The following NDUFAF6 variants were observed in gnomAD, a reference collection of about 807,000 sequenced individuals.
NDUFAF6 encodes NADH dehydrogenase (ubiquinone) complex I, assembly factor 6.
In NDUFAF6, 45 loss-of-function variants were observed where a neutral mutation model predicts 40.8. That is an observed-to-expected ratio of 1.10 (90% CI 0.87 to 1.42). The LOEUF (loss-of-function observed/expected upper bound fraction) is 1.42, where lower values mean the gene tolerates loss of function less well. NDUFAF6 is among the 40% of genes most tolerant of loss of function. The pLI is 0.00. For synonymous variants in NDUFAF6, 185 were observed against 155.9 expected (o/e 1.19, Z -1.39); for missense variants, 435 against 418.5 (o/e 1.04, Z -0.34).
downstream of NDUFAF6, among the ~76,000 whole-genome samples, chr8:95,078,949 C>A (rs981041957): frequency 9.2e-5 from 14 of 151,946 alleles, no homozygotes; most frequent in Non-Finnish European, 1.9e-4. Flanking sequence ...CACAGTTTGT[C>A]TACTCACCTA....
Position 95,111,633 on chromosome 8 carries a change from GCA to G in NDUFAF6, n.345-3893_345-3892del, listed in dbSNP as rs529835830. The stretch of plus-strand genomic sequence containing the variant: ...GCCTGCCAAAGCAGCATTCCTCCAG[GCA>G]CACACACACCTGCCTGCTCATCGTG... On this transcript the variant is annotated intron_variant and non_coding_transcript_variant, in intron 4 of 5. Coordinates refer to the NDUFAF6 transcript ENST00000523184. 6.6e-4 allele frequency among the ~76,000 whole-genome samples: 101 copies of G among 152,066 alleles called. 1 individual carries two copies. The highest frequency in any genetic ancestry group is 2.2e-3 in the African/African-American group (92 of 41,472).
chr8:95,104,784 A>G (rs1809767099), downstream of NDUFAF6, among the ~76,000 whole-genome samples: 1 of 152,074 alleles, frequency 6.6e-6, no homozygotes. Flanking sequence ...AGCAAGGTAG[A>G]TTGTTCCAGG....
intron 8 of NDUFAF6, among the ~76,000 whole-genome samples, chr8:95,053,644 G>A (rs1183089048): frequency 6.8e-6 from 1 of 146,598 alleles, no homozygotes; most frequent in Non-Finnish European, 1.5e-5. Context: ...TTTTTTTTTG[G>A]AGGCAGATTC....
chr8:95,081,378 C>G (rs1168759989), intron 2 of NDUFAF6, among the ~76,000 whole-genome samples: 1 of 151,876 alleles, frequency 6.6e-6, no homozygotes, highest in Non-Finnish European at 1.5e-5. Flanking sequence ...CTATGTTGGC[C>G]AGGCTGGTCC....
In NDUFAF6 at chr8:95,031,892, C is replaced by T. The variant is rs149881705; in HGVS notation, c.198-103C>T. The T allele has an allele frequency of 7.1e-4, 800 of 1,121,584 alleles. 2 individuals carry two copies. The African/African-American group carries it at 1.0e-2, about 14-fold the overall frequency. The allele number at this position is 1,121,584 out of a possible 1,614,324, so 69.5% of individuals were successfully genotyped here. ...CTGGGATTACAGGCATGAGCTACCG[C>T]GCCCAACTTGAAGCCTTTTTGTTTT... is the stretch of plus-strand genomic sequence containing the variant. On this transcript the variant is annotated intron_variant, in intron 1 of 8. Transcript: ENST00000396124.
At chr8:95,071,187 A>G (rs374665894) in intron 9 of NDUFAF6, among the ~76,000 whole-genome samples, 7 of 151,898 alleles carry the variant, frequency 4.6e-5, no homozygotes, top group East Asian at 1.9e-4. Flanking sequence ...TCAGGAAATC[A>G]AGACCATCCT....
intron 1 of NDUFAF6, among the ~76,000 whole-genome samples, chr8:94,909,348 C>CAAAAAAAAAAAAAAAAAAAAA (rs556065794): frequency 3.3e-5 from 3 of 91,922 alleles, no homozygotes; most frequent in Non-Finnish European, 6.0e-5. Context: ...GACTCCGTCT[C>CAAAAAAAAAAAAAAAAAAAAA]AAAAAAAAAA....
chr8:94,944,963 T>A (rs1821861485), intron 1 of NDUFAF6, among the ~76,000 whole-genome samples: 1 of 152,194 alleles, frequency 6.6e-6, no homozygotes, highest in Admixed American at 6.5e-5. Flanking sequence ...AAGGAGCTAT[T>A]GGAGAGACCC....
At chr8:95,037,828 A>G (rs1179955930) in intron 3 of NDUFAF6, among the ~76,000 whole-genome samples, 1 of 152,216 alleles carries the variant, frequency 6.6e-6, no homozygotes, top group Non-Finnish European at 1.5e-5. Context: ...AGAAAAAAAA[A>G]CATTTTAAAA....
chr8:94,971,126 C>T (rs10504939), intron 1 of NDUFAF6, among the ~76,000 whole-genome samples: 3 of 152,140 alleles, frequency 2.0e-5, no homozygotes, highest in Non-Finnish European at 4.4e-5. Context: ...AAGCATAATT[C>T]GAATCCAAAA....
intron 1 of NDUFAF6, among the ~76,000 whole-genome samples, chr8:94,925,079 A>G (rs911909384): frequency 6.6e-6 from 1 of 152,196 alleles, no homozygotes; most frequent in African/African-American, 2.4e-5. Context: ...CTGCTTCTCA[A>G]GTCAACGTTC....
intron 2 of NDUFAF6, among the ~76,000 whole-genome samples, chr8:94,988,152 CT>C (rs1428672922): frequency 6.6e-6 from 1 of 152,194 alleles, no homozygotes; most frequent in African/African-American, 2.4e-5. Context: ...CATGTGTGTC[CT>C]TCCCTGAATG....
intron 8 of NDUFAF6, among the ~76,000 whole-genome samples, chr8:95,056,602 T>C (rs1399197490): frequency 6.6e-6 from 1 of 152,080 alleles, no homozygotes; most frequent in Non-Finnish European, 1.5e-5. Context: ...TATGTAAGTT[T>C]AGGGTTTTAA....
At position 95,036,609 on chromosome 8, in the gene NDUFAF6, C is replaced by T. The variant is rs183082540; in HGVS notation, c.420+1033C>T. On this transcript the variant is annotated intron_variant, in intron 3 of 8. Coordinates refer to ENST00000396124, the MANE Select transcript of NDUFAF6 (RefSeq NM_152416.4). ...GAAACCCTTTCTATTTATTACTTTA[C>T]ACCTAAATCGGAGTATAGTGGAGGT... is the stretch of plus-strand genomic sequence containing the variant. The T allele has an allele frequency of 1.9e-3, 1,617 of 853,168 alleles. 2 individuals are homozygous for T. The highest frequency in any genetic ancestry group is 2.4e-3 in the Non-Finnish European group (1,504 of 635,914). 52.8% of individuals were successfully genotyped at this position (853,168 alleles called of 1,614,324 possible). A position where few individuals can be genotyped will look rare whatever the true frequency, so the allele number is the denominator to read the frequency against.
chr8:95,101,510 C>T (rs557028452), intron 2 of NDUFAF6, among the ~76,000 whole-genome samples: 180 of 152,270 alleles, frequency 1.2e-3, no homozygotes, highest in African/African-American at 4.1e-3. Context: ...TGCTGGAAGG[C>T]TCTTCCTCAT....
At chr8:95,024,693 C>T (rs903641241), upstream of NDUFAF6, among the ~76,000 whole-genome samples, 22 of 152,094 alleles carry the variant, frequency 1.4e-4, no homozygotes, top group African/African-American at 5.3e-4. Context: ...GTGATTTTGG[C>T]AGCTACTTCC....
intron 1 of NDUFAF6, among the ~76,000 whole-genome samples, chr8:95,029,550 C>G (rs1828588004): frequency 6.6e-6 from 1 of 152,166 alleles, no homozygotes. Context: ...TCCACAGGCC[C>G]CATTCAAATT....
chr8:95,032,174 G>A (rs1828932203), intron 2 of NDUFAF6, 80 bp downstream of exon 2: 2 of 1,219,060 alleles, frequency 1.6e-6, no homozygotes, highest in Non-Finnish European at 1.2e-6. Context: ...AAGAAATATA[G>A]TTGTAATTTA....
intron 2 of NDUFAF6, among the ~76,000 whole-genome samples, chr8:94,993,653 T>C (rs1398346964): frequency 6.6e-6 from 1 of 152,172 alleles, no homozygotes; most frequent in Non-Finnish European, 1.5e-5. Flanking sequence ...GCCAGTCATT[T>C]GAGTGAGGTC....
Sources: allele counts gnomAD v4.1 joint callset (sites outside exome capture counted in the v4.1 genomes callset), GRCh38; gene constraint gnomAD v4.1.1; transcripts MANE v1.5; gene names NCBI Gene and HGNC (gene_info 2026-07-23, HGNC 2026-07-21).